IL6R: variants seen among roughly 807,000 people sequenced by gnomAD.
The protein encoded by IL6R is interleukin 6 receptor.
Under a neutral mutation model 48.3 loss-of-function variants are expected in IL6R, and 38 were observed. The observed-to-expected ratio is 0.79, with a 90% CI of 0.61 to 1.03. The LOEUF (loss-of-function observed/expected upper bound fraction) is 1.03, where lower values mean the gene tolerates loss of function less well. IL6R is among the 50% of genes least tolerant of loss of function. The pLI, the probability that IL6R is intolerant of heterozygous loss-of-function variation, is 0.00. For missense variants in IL6R, 534 were observed against 618.3 expected (o/e 0.86, Z 1.45); for synonymous variants, 264 against 256.2 (o/e 1.03, Z -0.29).
At chr1:154,447,686 TTTTTGTTTTGTTTTGTTTTGTTTTG>T (rs527467504) in intron 6 of IL6R, among the ~76,000 whole-genome samples, 5 of 148,326 alleles carry the variant, frequency 3.4e-5, no homozygotes, top group African/African-American at 1.2e-4. Flanking sequence ...AGCATGCTGT[TTTTTGTTTTGTTTTGTTTTGTTTTG>T]TTTTGTTTTG....
Position 154,411,931 on chromosome 1 carries a change from T to C in IL6R, c.85+6217T>C, listed in dbSNP as rs1688042486. Among the ~76,000 whole-genome samples the C allele has an allele frequency of 1.3e-5, 2 of 151,042 alleles. 1 individual carries two copies. Among genetic ancestry groups the C allele is most frequent in the South Asian group, 4.2e-4 (2 of 4,808 alleles). On this transcript the variant is annotated intron_variant, in intron 1 of 9. Coordinates refer to ENST00000368485, the MANE Select transcript of IL6R (RefSeq NM_000565.4). ...ACAAAAATGCATGCTTGATAAATGT[T>C]ATTGATCCTAAGAGCCTTTTTTTTT...
intron 9 of IL6R, among the ~76,000 whole-genome samples, chr1:154,458,448 C>A (rs907212330): frequency 6.6e-6 from 1 of 152,168 alleles, no homozygotes; most frequent in African/African-American, 2.4e-5. Context: ...GGATTCCTTG[C>A]CTCACCCTAG....
chr1:154,465,405 G>A lies in IL6R; in HGVS notation c.*25G>A, dbSNP rs1034925604. 19 of 1,612,892 alleles carry A rather than the reference G, an allele frequency of 1.2e-5. No homozygotes were observed. The highest frequency in any genetic ancestry group is 1.6e-5 in the Non-Finnish European group (19 of 1,179,162). ...GCTGGCTGGGTGGCACCAGCAGCCT[G>A]GACCCTGTGGATGATAAAACACAAA... On this transcript the variant is annotated 3_prime_UTR_variant, in exon 10 of 10. Coordinates refer to ENST00000368485, the MANE Select transcript of IL6R (RefSeq NM_000565.4).
At chr1:154,411,900 T>C (rs1374382130) in intron 1 of IL6R, among the ~76,000 whole-genome samples, 1 of 150,744 alleles carries the variant, frequency 6.6e-6, no homozygotes, top group Non-Finnish European at 1.5e-5. Context: ...TAAAATACTG[T>C]AACAGACAAA....
chr1:154,448,802 C>G (rs1422791946), intron 7 of IL6R, among the ~76,000 whole-genome samples: 2 of 149,510 alleles, frequency 1.3e-5, no homozygotes, highest in Admixed American at 6.7e-5. Context: ...CCACATCCTG[C>G]TAAACTGTGA....
At chr1:154,458,340 G>A (rs1691040369) in intron 9 of IL6R, among the ~76,000 whole-genome samples, 1 of 152,138 alleles carries the variant, frequency 6.6e-6, no homozygotes, top group South Asian at 2.1e-4. Context: ...GATTCTTAAT[G>A]AGTAGAGGTA....
At chr1:154,409,521 T>A (rs546527507) in intron 1 of IL6R, among the ~76,000 whole-genome samples, 2 of 152,268 alleles carry the variant, frequency 1.3e-5, no homozygotes, top group African/African-American at 4.8e-5. Flanking sequence ...ATAGAAATAA[T>A]TGTATTACCT....
At chr1:154,406,117 G>C (rs1243163538) in intron 1 of IL6R, among the ~76,000 whole-genome samples, 2 of 152,172 alleles carry the variant, frequency 1.3e-5, no homozygotes, top group African/African-American at 4.8e-5. Context: ...GTACCCGCCT[G>C]GGGAGTCCTT....
chr1:154,456,942 C>T (rs1690919587), intron 9 of IL6R, among the ~76,000 whole-genome samples: 5 of 152,140 alleles, frequency 3.3e-5, no homozygotes, highest in Admixed American at 3.3e-4. Flanking sequence ...GTGCATTAGA[C>T]ACTGAAGAAA....
intron 1 of IL6R, among the ~76,000 whole-genome samples, chr1:154,425,592 T>C (rs1688916334): frequency 6.6e-6 from 1 of 151,178 alleles, no homozygotes; most frequent in Admixed American, 6.6e-5. Flanking sequence ...CTGGGCAATA[T>C]AGTGAAACCT....
At chr1:154,408,981 C>T (rs550393829) in intron 1 of IL6R, among the ~76,000 whole-genome samples, 4 of 152,084 alleles carry the variant, frequency 2.6e-5, no homozygotes, top group East Asian at 3.9e-4. Context: ...GCCGTCTCTA[C>T]AAAAAGATTT....
At chr1:154,441,919 A>G (rs185639453) in intron 6 of IL6R, among the ~76,000 whole-genome samples, 1 of 152,228 alleles carries the variant, frequency 6.6e-6, no homozygotes, top group Admixed American at 6.5e-5. Context: ...TGATAGCACC[A>G]ATCTTGTTCC....
At chr1:154,443,305 A>G (rs1251975867) in intron 6 of IL6R, among the ~76,000 whole-genome samples, 1 of 152,210 alleles carries the variant, frequency 6.6e-6, no homozygotes, top group East Asian at 1.9e-4. Context: ...TTGGCCATCC[A>G]TTCTGGAGGA....
intron 6 of IL6R, among the ~76,000 whole-genome samples, chr1:154,438,258 C>A (rs1570970081): frequency 6.6e-6 from 1 of 151,618 alleles, no homozygotes; most frequent in Non-Finnish European, 1.5e-5. Flanking sequence ...CTATCAACAC[C>A]CTGCTATGAA....
intron 6 of IL6R, among the ~76,000 whole-genome samples, chr1:154,439,124 A>G (rs1042355956): frequency 6.6e-6 from 1 of 152,122 alleles, no homozygotes; most frequent in Non-Finnish European, 1.5e-5. Context: ...CAGCTCTAAC[A>G]TCGTGCAGAG....
intron 1 of IL6R, chr1:154,414,912 C>T: frequency 1.1e-6 from 1 of 950,038 alleles, no homozygotes; most frequent in Non-Finnish European, 1.7e-6. Context: ...TGAGCTGGGT[C>T]ATGTGGCGCT....
chr1:154,423,565 A>G (rs1201849881), intron 1 of IL6R, among the ~76,000 whole-genome samples: 1 of 152,038 alleles, frequency 6.6e-6, no homozygotes, highest in Non-Finnish European at 1.5e-5. Flanking sequence ...TGACTTTAGC[A>G]AGTATGTTTT....
At chr1:154,428,833 G>A (rs1225053662) in intron 1 of IL6R, among the ~76,000 whole-genome samples, 1 of 152,136 alleles carries the variant, frequency 6.6e-6, no homozygotes, top group Non-Finnish European at 1.5e-5. Context: ...GGAGTTGAGG[G>A]GAGGGCTCCA....
intron 6 of IL6R, 115 bp from the exon 7 acceptor site, chr1:154,448,010 A>T: frequency 1.2e-6 from 1 of 843,664 alleles, no homozygotes. Context: ...CGCCCAGCCC[A>T]TGCTGTTCTT....
Sources: gnomAD v4.1 joint callset for allele counts (sites outside exome capture counted in the v4.1 genomes callset) on GRCh38, gnomAD v4.1.1 for gene constraint, MANE v1.5 for transcripts, NCBI Gene and HGNC (gene_info 2026-07-23, HGNC 2026-07-21) for gene names.